SCOC: variants seen among roughly 807,000 people sequenced by gnomAD.
SCOC encodes the protein short coiled coil protein.
SCOC carries 7 observed loss-of-function variants against 9.9 expected under a neutral mutation model. The observed-to-expected ratio is 0.71, with a 90% CI of 0.40 to 1.33. The LOEUF (loss-of-function observed/expected upper bound fraction) is 1.33. Among genes scored for constraint, SCOC ranks in the 40% most tolerant of loss-of-function variants. The pLI is 0.01. For synonymous variants in SCOC, 19 were observed against 28.2 expected, an observed-to-expected ratio of 0.67 and a Z score of 1.03; for missense variants, 66 against 89.7, an observed-to-expected ratio of 0.74 and a Z score of 1.07.
At chr4:140,259,380 A>G (rs1365577146) in intron 1 of SCOC, among the ~76,000 whole-genome samples, 1 of 152,154 alleles carries the variant, frequency 6.6e-6, no homozygotes, top group Admixed American at 6.6e-5. Flanking sequence ...GGTCCATTGC[A>G]ATAGCTTTCT....
rs193013914 is a variant in SCOC, at chr4:140,384,113, T to C, written c.*3009T>C. On this transcript the variant is annotated 3_prime_UTR_variant, in exon 4 of 4. Transcript: ENST00000608372. ...TTGTATCAAAACTTTGTCTATTCCC[T>C]TCTATCTTTGCTTGAAAATGTCAAT... 2 of 152,344 alleles carry C rather than the reference T, an allele frequency of 1.3e-5. No individual in the cohort carries two copies. Among genetic ancestry groups the C allele is most frequent in the African/African-American group, 4.8e-5 (2 of 41,586 alleles). 9.4% of individuals were successfully genotyped at this position (152,344 alleles called of 1,614,324 possible).
intron 1 of SCOC, among the ~76,000 whole-genome samples, chr4:140,259,437 A>G (rs536213055): frequency 6.6e-6 from 1 of 152,314 alleles, no homozygotes; most frequent in South Asian, 2.1e-4. Flanking sequence ...ATCGCCCTAC[A>G]GTTGCCATTG....
intron 1 of SCOC, among the ~76,000 whole-genome samples, chr4:140,305,925 C>A (rs952398731): frequency 6.6e-6 from 1 of 152,170 alleles, no homozygotes. Flanking sequence ...CACCTTTTCT[C>A]CCTTTTTAAA....
chr4:140,270,951 T>C (rs1730830724), intron 1 of SCOC, among the ~76,000 whole-genome samples: 1 of 152,216 alleles, frequency 6.6e-6, no homozygotes, highest in Non-Finnish European at 1.5e-5. Context: ...GATTTAAACC[T>C]GAGTCTGCTG....
intron 1 of SCOC, among the ~76,000 whole-genome samples, chr4:140,264,314 T>C (rs1024811875): frequency 6.6e-5 from 10 of 152,100 alleles, no homozygotes; most frequent in African/African-American, 2.4e-4. Flanking sequence ...GAAGTGGTGG[T>C]TAATGTGGGT....
chr4:140,292,689 C>T (rs1395884570), intron 1 of SCOC, among the ~76,000 whole-genome samples: 14 of 152,158 alleles, frequency 9.2e-5, no homozygotes, highest in Non-Finnish European at 1.9e-4. Flanking sequence ...GAGGAGGGGA[C>T]GTTGCTGTAT....
intron 2 of SCOC, among the ~76,000 whole-genome samples, chr4:140,360,287 C>T (rs1727406012): frequency 6.6e-6 from 1 of 152,142 alleles, no homozygotes; most frequent in South Asian, 2.1e-4. Flanking sequence ...CACCAGCATA[C>T]CATCTCAAAG....
At chr4:140,296,658 G>C (rs1731646976) in intron 1 of SCOC, among the ~76,000 whole-genome samples, 1 of 152,146 alleles carries the variant, frequency 6.6e-6, no homozygotes, top group East Asian at 1.9e-4. Context: ...TGCCTGCCTT[G>C]CCTCTGAGAA....
chr4:140,355,221 A>ATT (rs1727165079), intron 2 of SCOC, among the ~76,000 whole-genome samples: 1 of 9,470 alleles, frequency 1.1e-4, no homozygotes, highest in Non-Finnish European at 2.1e-4. Flanking sequence ...TTATATATAT[A>ATT]TATATATATA....
chr4:140,284,935 T>C (rs1270819078), intron 1 of SCOC: 1 of 232,352 alleles, frequency 4.3e-6, no homozygotes, highest in Non-Finnish European at 8.7e-6. Flanking sequence ...GCATCATTAA[T>C]GGCTTAGTGT....
chr4:140,352,399 G>A (rs1320494898), intron 2 of SCOC, among the ~76,000 whole-genome samples: 2 of 152,118 alleles, frequency 1.3e-5, no homozygotes, highest in African/African-American at 4.8e-5. Flanking sequence ...AAGATAATAT[G>A]GACAGTGGCA....
intron 2 of SCOC, among the ~76,000 whole-genome samples, chr4:140,359,909 T>C (rs1727390425): frequency 6.6e-6 from 1 of 152,234 alleles, no homozygotes; most frequent in Non-Finnish European, 1.5e-5. Flanking sequence ...CAAGATCCCA[T>C]TTTTTCTTTA....
At chr4:140,276,723 C>T (rs1730992381) in intron 1 of SCOC, among the ~76,000 whole-genome samples, 1 of 152,108 alleles carries the variant, frequency 6.6e-6, no homozygotes, top group Admixed American at 6.5e-5. Context: ...TCCCAAAGTG[C>T]TGGGATTACA....
chr4:140,338,848 C>T (rs1560707949), upstream of SCOC, among the ~76,000 whole-genome samples: 1 of 152,162 alleles, frequency 6.6e-6, no homozygotes, highest in Admixed American at 6.5e-5. Context: ...TAGGAAGAAT[C>T]AATATTGTGA....
At chr4:140,375,590 A>G (rs988795340) in intron 1 of SCOC, among the ~76,000 whole-genome samples, 1 of 152,224 alleles carries the variant, frequency 6.6e-6, no homozygotes, top group Non-Finnish European at 1.5e-5. Flanking sequence ...AGATAGGGGC[A>G]TATTTGGTAA....
At chr4:140,257,828 C>A (rs1192371296) in intron 1 of SCOC, among the ~76,000 whole-genome samples, 1 of 152,172 alleles carries the variant, frequency 6.6e-6, no homozygotes, top group Non-Finnish European at 1.5e-5. Flanking sequence ...TTTTGCTTTG[C>A]CAGGTCCCTA....
At chr4:140,369,300 CT>C, upstream of SCOC, 1 of 437,992 alleles carries the variant, frequency 2.3e-6, no homozygotes, top group Admixed American at 2.7e-5. Flanking sequence ...AGGTTATATT[CT>C]TTACTCACCA....
chr4:140,348,573 T>C (rs78128624), intron 2 of SCOC, among the ~76,000 whole-genome samples: 12 of 34,746 alleles, frequency 3.5e-4, no homozygotes, highest in African/African-American at 8.4e-4. Flanking sequence ...TATGTATATA[T>C]ATACGCACAC....
intron 1 of SCOC, among the ~76,000 whole-genome samples, chr4:140,305,973 T>G (rs1209450808): frequency 6.6e-6 from 1 of 152,198 alleles, no homozygotes; most frequent in Admixed American, 6.5e-5. Flanking sequence ...TCCCTTCTAC[T>G]ATAGGGTCTT....
Sources: gnomAD v4.1 joint callset for allele counts (sites outside exome capture counted in the v4.1 genomes callset) on GRCh38, gnomAD v4.1.1 for gene constraint, MANE v1.5 for transcripts, NCBI Gene and HGNC (gene_info 2026-07-23, HGNC 2026-07-21) for gene names.